Variants in AIMP1 observed in about 807,000 individuals in gnomAD.
AIMP1 encodes the protein aminoacyl tRNA synthase complex-interacting multifunctional protein 1.
A neutral mutation model predicts 33.1 loss-of-function variants in AIMP1; 24 were observed. The ratio of observed to expected loss-of-function variants is 0.73; its 90% CI spans 0.53 to 1.02. AIMP1 has a LOEUF of 1.02. Ranked by LOEUF, AIMP1 falls within the 50% of genes least tolerant of loss-of-function variation. The pLI is 0.00. For synonymous variants in AIMP1, 120 were observed against 121.5 expected (o/e 0.99, Z 0.08); for missense variants, 367 against 364.8 (o/e 1.01, Z -0.05).
At chr4:106,319,682 A>G (rs530285473) in intron 1 of AIMP1, among the ~76,000 whole-genome samples, 13 of 152,320 alleles carry the variant, frequency 8.5e-5, no homozygotes, top group Admixed American at 5.2e-4. Flanking sequence ...TTATATTTTC[A>G]ATTACTGTGC....
intron 6 of AIMP1, among the ~76,000 whole-genome samples, chr4:106,345,243 C>T (rs1044748181): frequency 6.6e-6 from 1 of 152,122 alleles, no homozygotes. Flanking sequence ...TTATAAGAAG[C>T]CTGTATGTCA....
At chr4:106,324,476 G>A (rs1462535782) in intron 1 of AIMP1, among the ~76,000 whole-genome samples, 1 of 151,842 alleles carries the variant, frequency 6.6e-6, no homozygotes, top group African/African-American at 2.4e-5. Flanking sequence ...ATCTGAACAA[G>A]CATATGATTA....
At chr4:106,346,821 A>G (rs1393350553) in intron 6 of AIMP1, among the ~76,000 whole-genome samples, 2 of 152,186 alleles carry the variant, frequency 1.3e-5, no homozygotes, top group Non-Finnish European at 2.9e-5. Flanking sequence ...TGATAAAATG[A>G]GTATATTAAT....
intron 4 of AIMP1, among the ~76,000 whole-genome samples, chr4:106,331,458 A>T (rs986335926): frequency 1.3e-5 from 2 of 152,238 alleles, no homozygotes; most frequent in African/African-American, 4.8e-5. Flanking sequence ...AATGTCTTCA[A>T]ATAGAAATAC....
At chr4:106,339,023 T>A (rs1233782412) in intron 6 of AIMP1, among the ~76,000 whole-genome samples, 1 of 152,240 alleles carries the variant, frequency 6.6e-6, no homozygotes, top group African/African-American at 2.4e-5. Flanking sequence ...GCCCTTTGTT[T>A]TGGTCCAATT....
upstream of AIMP1, chr4:106,316,363 G>T (rs1349398028): frequency 9.8e-6 from 6 of 611,878 alleles, no homozygotes; most frequent in East Asian, 5.8e-5. Context: ...GGACGGGGGG[G>T]GTCGATTGAA....
In AIMP1 at chr4:106,325,045, G is replaced by C; in HGVS notation, c.36G>C (p.Glu12Asp). 1 of 1,612,820 alleles carries C rather than the reference G, an allele frequency of 6.2e-7. No homozygotes were observed. The highest frequency in any genetic ancestry group is 8.5e-7 in the Non-Finnish European group (1 of 1,179,184). ...ATGATGCTGTTCTGAAGAGACTGGA[G>C]CAGAAGGGTGCAGAGGCAGATCAAA... ...ANNDAVLKRL[E>D]QKGAEADQII... The change falls in exon 2 of 7, where the codon GAG becomes GAC. Residue 12 changes from glutamate (E) to aspartate (D), a missense_variant. Glu to Asp is a conservative substitution (Grantham distance 45). Transcript: ENST00000672341.
chr4:106,316,980 T>C (rs1228248895), intron 1 of AIMP1, among the ~76,000 whole-genome samples: 1 of 152,126 alleles, frequency 6.6e-6, no homozygotes, highest in Non-Finnish European at 1.5e-5. Flanking sequence ...TTCTAGGCAT[T>C]AGGTGAACAG....
At position 106,326,301 on chromosome 4, in the gene AIMP1, A is replaced by C. The variant is rs139031345; in HGVS notation, c.110-1150A>C. 2.1e-3 allele frequency among the ~76,000 whole-genome samples: 313 copies of C among 152,354 alleles called. 1 individual carries two copies. The highest frequency in any genetic ancestry group is 7.2e-3 in the African/African-American group (299 of 41,582). On this transcript the variant is annotated intron_variant, in intron 2 of 6. Coordinates refer to ENST00000672341, the MANE Select transcript of AIMP1 (RefSeq NM_001142416.2). ...TTATTAATAGGATTTTTACTTATACAAATTTATGATAGGCCACTATAAAGT... is the reference window on the plus strand; with the variant it reads ...TTATTAATAGGATTTTTACTTATACCAATTTATGATAGGCCACTATAAAGT...
chr4:106,325,460 A>G (rs1769421386), intron 2 of AIMP1, among the ~76,000 whole-genome samples: 1 of 151,998 alleles, frequency 6.6e-6, no homozygotes, highest in Non-Finnish European at 1.5e-5. Context: ...TTCTAATTTT[A>G]ACATACCACT....
At chr4:106,329,378 T>C (rs1257090097) in intron 4 of AIMP1, among the ~76,000 whole-genome samples, 1 of 152,218 alleles carries the variant, frequency 6.6e-6, no homozygotes, top group Non-Finnish European at 1.5e-5. Flanking sequence ...TAATCAGTCT[T>C]CTAGTTAGAG....
intron 4 of AIMP1, among the ~76,000 whole-genome samples, chr4:106,329,772 C>CTT (rs59016309): frequency 0.022 from 1,144 of 53,016 alleles, 231 homozygotes; most frequent in South Asian, 0.069. Context: ...TGCTACATAT[C>CTT]TTTTTTTTTT....
intron 1 of AIMP1, among the ~76,000 whole-genome samples, chr4:106,317,728 T>C (rs3805405): frequency 0.13 from 19,625 of 152,190 alleles, 1,595 homozygotes; most frequent in South Asian, 0.24. Flanking sequence ...CAAGTTAAAA[T>C]CATGGCTTTG....
rs1769525991 is a variant in AIMP1 at position 106,328,128 on chromosome 4, T to G, written c.276T>G (p.Val92=). ...CTCCACTGCACGCTAATTCTATGGTTTCTGAAAATGTGATACAGTCTACAG... is the reference window on the plus strand; with the variant it reads ...CTCCACTGCACGCTAATTCTATGGTGTCTGAAAATGTGATACAGTCTACAG... The part of the protein sequence containing the change: ...SGTPLHANSM[V]SENVIQSTAV... The change falls in exon 4 of 7, where the codon GTT becomes GTG. Residue 92 remains valine (V), a synonymous_variant. Transcript: ENST00000672341. 6.2e-7 allele frequency: 1 copy of G among 1,613,524 alleles called. No homozygotes were observed. Among genetic ancestry groups the G allele is most frequent in the Admixed American group, 1.7e-5 (1 of 59,952 alleles).
At chr4:106,344,282 G>C (rs1770211106) in intron 6 of AIMP1, among the ~76,000 whole-genome samples, 1 of 152,076 alleles carries the variant, frequency 6.6e-6, no homozygotes, top group Non-Finnish European at 1.5e-5. Flanking sequence ...CTAGATAGCT[G>C]CCAAATGAAC....
At position 106,349,273 on chromosome 4, in the gene AIMP1, T is replaced by C. The variant is rs1037338039; in HGVS notation, c.*1581T>C. 1.3e-5 allele frequency: 2 copies of C among 151,870 alleles called. No homozygotes were observed. Among genetic ancestry groups the C allele is most frequent in the African/African-American group, 4.8e-5 (2 of 41,408 alleles). 9.4% of individuals were successfully genotyped at this position (151,870 alleles called of 1,614,324 possible). On this transcript the variant is annotated 3_prime_UTR_variant, in exon 7 of 7. Transcript: ENST00000672341. ...TAATTTTTCTCAATTATATTAAATT[T>C]CTTTAATATAATTTAAATAATATTT... is the stretch of plus-strand genomic sequence containing the variant.
chr4:106,316,213 CT>C, upstream of AIMP1: 1 of 239,560 alleles, frequency 4.2e-6, no homozygotes, highest in Non-Finnish European at 8.2e-6. Flanking sequence ...ACCCTCTACC[CT>C]CCCCTCAGCC....
At chr4:106,326,876 C>T (rs1769471919) in intron 2 of AIMP1, among the ~76,000 whole-genome samples, 1 of 152,074 alleles carries the variant, frequency 6.6e-6, no homozygotes, top group Non-Finnish European at 1.5e-5. Flanking sequence ...CTCCAAGCCT[C>T]GATCAGTCCT....
intron 1 of AIMP1, among the ~76,000 whole-genome samples, chr4:106,323,806 T>C (rs1179970128): frequency 6.6e-6 from 1 of 152,054 alleles, no homozygotes; most frequent in Non-Finnish European, 1.5e-5. Flanking sequence ...AAAGACATAT[T>C]TGATGAATAA....
Sources: gnomAD v4.1 joint callset for allele counts (sites outside exome capture counted in the v4.1 genomes callset) on GRCh38, gnomAD v4.1.1 for gene constraint, MANE v1.5 for transcripts, NCBI Gene and HGNC (gene_info 2026-07-23, HGNC 2026-07-21) for gene names.